Variants in COL21A1 observed in about 807,000 individuals in gnomAD.
COL21A1 encodes the protein collagen type XXI alpha 1 chain.
A neutral mutation model predicts 137.9 loss-of-function variants in COL21A1; 149 were observed. The observed-to-expected ratio is 1.08, with a 90% CI of 0.95 to 1.24. The LOEUF (loss-of-function observed/expected upper bound fraction) is 1.24, where lower values mean the gene tolerates loss of function less well. COL21A1 is among the 50% of genes most tolerant of loss of function. The probability of loss-of-function intolerance (pLI) is 0.00; values close to 1 mark genes in which losing one functional copy is unlikely to be tolerated. For synonymous variants in COL21A1, 456 were observed against 391.5 expected (o/e 1.16, Z -1.95); for missense variants, 1,167 against 1,158.4 (o/e 1.01, Z -0.11).
chr6:56,197,454 C>T (rs1224115860), intron 1 of COL21A1, among the ~76,000 whole-genome samples: 1 of 151,914 alleles, frequency 6.6e-6, no homozygotes, highest in Non-Finnish European at 1.5e-5. Context: ...GTCTGCAAAC[C>T]ATATATCTGA....
intron 16 of COL21A1, among the ~76,000 whole-genome samples, chr6:56,121,327 GA>G (rs1160372189): frequency 1.3e-5 from 2 of 151,548 alleles, no homozygotes; most frequent in African/African-American, 4.8e-5. Context: ...ATGATATGCT[GA>G]AAAAGGAAAA....
chr6:56,272,378 A>G (rs9370500), intron 1 of COL21A1, among the ~76,000 whole-genome samples: 35,275 of 152,152 alleles, frequency 0.23, 4,476 homozygotes, highest in Non-Finnish European at 0.29. Context: ...CATTTACCCA[A>G]TGCCTGCACC....
At chr6:56,208,613 G>C (rs1779953847) in intron 1 of COL21A1, among the ~76,000 whole-genome samples, 1 of 152,152 alleles carries the variant, frequency 6.6e-6, no homozygotes. Flanking sequence ...GTAATTTATA[G>C]ATTCAATGCT....
chr6:56,379,420 C>T (rs931856453), intron 1 of COL21A1, among the ~76,000 whole-genome samples: 3 of 152,042 alleles, frequency 2.0e-5, no homozygotes, highest in Non-Finnish European at 4.4e-5. Flanking sequence ...GAGGCTGATC[C>T]GAAATGGGGA....
At chr6:56,137,629 A>G (rs1273399851) in intron 12 of COL21A1, among the ~76,000 whole-genome samples, 1 of 152,198 alleles carries the variant, frequency 6.6e-6, no homozygotes, top group African/African-American at 2.4e-5. Context: ...ACCATACAAC[A>G]GAAGACATCC....
At chr6:56,168,333 G>A in intron 5 of COL21A1, 36 bp from the exon 6 acceptor site, 1 of 1,452,082 alleles carries the variant, frequency 6.9e-7, no homozygotes, top group South Asian at 1.5e-5. Flanking sequence ...CATAAATAAA[G>A]CCCCTAACAA....
chr6:56,267,780 A>C, intron 1 of COL21A1, among the ~76,000 whole-genome samples: 1 of 135,292 alleles, frequency 7.4e-6, no homozygotes, highest in Non-Finnish European at 1.6e-5. Flanking sequence ...AAAGAAGAAG[A>C]AGAAGAAGAA....
chr6:56,179,292 G>A (rs1413022647), intron 3 of COL21A1, among the ~76,000 whole-genome samples: 3 of 151,818 alleles, frequency 2.0e-5, no homozygotes, highest in Non-Finnish European at 4.4e-5. Flanking sequence ...TTCTACAATA[G>A]ACATGTTATA....
At chr6:56,072,549 G>A (rs760780510) in intron 20 of COL21A1, among the ~76,000 whole-genome samples, 1 of 151,422 alleles carries the variant, frequency 6.6e-6, no homozygotes, top group African/African-American at 2.4e-5. Flanking sequence ...AAAACTAGCA[G>A]AAAGAAACGA....
chr6:56,115,649 A>G (rs1045689858), intron 16 of COL21A1, among the ~76,000 whole-genome samples: 3 of 152,172 alleles, frequency 2.0e-5, no homozygotes, highest in African/African-American at 7.2e-5. Flanking sequence ...ACCATTCAGG[A>G]AAACATGACC....
At chr6:56,104,148 GT>G (rs970420172) in intron 16 of COL21A1, among the ~76,000 whole-genome samples, 12 of 152,026 alleles carry the variant, frequency 7.9e-5, no homozygotes, top group African/African-American at 2.7e-4. Context: ...ATTTATAGGA[GT>G]TTTTTTAATC....
rs557620606 is a variant in COL21A1, at chr6:56,211,268, C to T, written c.-38-28612G>A. 3.4e-5 allele frequency among the ~76,000 whole-genome samples: 5 copies of T among 145,456 alleles called. No homozygotes were observed. In the South Asian group the frequency reaches 1.1e-3, roughly 31 times the overall value. ...GTATATATAATGAAAGGATAGGCCA[C>T]ACAGTGGGAGAAAATATTTGTAATG... is the stretch of plus-strand genomic sequence containing the variant. On this transcript the variant is annotated intron_variant, in intron 1 of 29. Transcript: ENST00000244728.
chr6:56,219,940 CACTTA>C (rs1455072024), intron 1 of COL21A1, among the ~76,000 whole-genome samples: 11 of 152,134 alleles, frequency 7.2e-5, no homozygotes, highest in Non-Finnish European at 1.6e-4. Context: ...CCAATCAAGG[CACTTA>C]ACTGTATACA....
At chr6:56,087,536 C>G (rs1768380561) in intron 17 of COL21A1, among the ~76,000 whole-genome samples, 1 of 152,116 alleles carries the variant, frequency 6.6e-6, no homozygotes, top group Non-Finnish European at 1.5e-5. Flanking sequence ...ATTTCAGGGA[C>G]AAAGCATTGA....
chr6:56,202,186 T>C (rs1311429553), intron 1 of COL21A1, among the ~76,000 whole-genome samples: 1 of 152,110 alleles, frequency 6.6e-6, no homozygotes, highest in African/African-American at 2.4e-5. Context: ...AAATGTAGTG[T>C]GAAAAGGTAA....
intron 17 of COL21A1, among the ~76,000 whole-genome samples, chr6:56,089,920 A>T (rs887633937): frequency 6.6e-6 from 1 of 152,202 alleles, no homozygotes; most frequent in African/African-American, 2.4e-5. Context: ...GTTAATGCTT[A>T]TCAGTGGTTC....
intron 23 of COL21A1, among the ~76,000 whole-genome samples, chr6:56,065,478 T>C (rs1001422134): frequency 6.6e-6 from 1 of 152,020 alleles, no homozygotes; most frequent in Non-Finnish European, 1.5e-5. Context: ...TCTAGAATGA[T>C]GAAAATACTG....
intron 17 of COL21A1, among the ~76,000 whole-genome samples, chr6:56,099,701 C>T (rs1438772012): frequency 6.6e-6 from 1 of 151,928 alleles, no homozygotes; most frequent in East Asian, 1.9e-4. Flanking sequence ...CACACACCTA[C>T]TTTATATTCT....
At position 56,156,869 on chromosome 6, in the gene COL21A1, TA is replaced by T; in HGVS notation, c.1434+17del. 6.2e-7 allele frequency: 1 copy of T among 1,604,224 alleles called. No homozygotes were observed. The highest frequency in any genetic ancestry group is 8.5e-7 in the Non-Finnish European group (1 of 1,173,198). ...TAATCCCAGATATACCGGAGATGACTAAGCTTTCAGTACTCACAGGCTTACC... is the reference window on the plus strand; with the variant it reads ...TAATCCCAGATATACCGGAGATGACTAGCTTTCAGTACTCACAGGCTTACC... On this transcript the variant is annotated intron_variant, in intron 10 of 29. Coordinates refer to ENST00000244728, the MANE Select transcript of COL21A1 (RefSeq NM_030820.4).
Sources: allele counts gnomAD v4.1 joint callset (sites outside exome capture counted in the v4.1 genomes callset), GRCh38; gene constraint gnomAD v4.1.1; transcripts MANE v1.5; gene names NCBI Gene and HGNC (gene_info 2026-07-23, HGNC 2026-07-21).